Variants in SLC4A1 observed in about 807,000 individuals in gnomAD.
The protein encoded by SLC4A1 is band 3 anion transport protein.
A neutral mutation model predicts 93.1 loss-of-function variants in SLC4A1; 29 were observed. The observed-to-expected ratio is 0.31, with a 90% CI of 0.23 to 0.42. The LOEUF is 0.42. Ranked by LOEUF, SLC4A1 falls within the 20% of genes least tolerant of loss-of-function variation. The probability of loss-of-function intolerance (pLI) is 1.00; values close to 1 mark genes in which losing one functional copy is unlikely to be tolerated. For missense variants in SLC4A1, 965 were observed against 1,190.1 expected (o/e 0.81, Z 2.78); for synonymous variants, 469 against 497.2 (o/e 0.94, Z 0.76).
Position 44,262,619 on chromosome 17 carries a change from G to C in SLC4A1, c.106+17C>G. Reference sequence around the variant, plus strand: ...GCTCAGCAGCTCATCCCAGCTGAGGGAGGGAGAGGGGCTCACCTGCCGGCT... The same window carrying C: ...GCTCAGCAGCTCATCCCAGCTGAGGCAGGGAGAGGGGCTCACCTGCCGGCT... On this transcript the variant is annotated intron_variant, in intron 3 of 19. Coordinates refer to ENST00000262418, the MANE Select transcript of SLC4A1 (RefSeq NM_000342.4). 1 of 1,590,658 alleles carries C rather than the reference G, an allele frequency of 6.3e-7. No homozygotes were observed. The highest frequency in any genetic ancestry group is 1.1e-5 in the South Asian group (1 of 89,166).
intron 17 of SLC4A1, among the ~76,000 whole-genome samples, chr17:44,252,516 C>G (rs1391769629): frequency 2.6e-5 from 4 of 152,258 alleles, no homozygotes; most frequent in South Asian, 4.1e-4. Flanking sequence ...TTCTCCTCAC[C>G]CCAGCCCAGA....
At chr17:44,264,220 G>A (rs1040193237) in intron 1 of SLC4A1, among the ~76,000 whole-genome samples, 1 of 152,146 alleles carries the variant, frequency 6.6e-6, no homozygotes, top group Non-Finnish European at 1.5e-5. Context: ...AACATTTTGG[G>A]AGGCTGAGGC....
intron 1 of SLC4A1, among the ~76,000 whole-genome samples, chr17:44,263,495 C>T (rs965740651): frequency 6.6e-6 from 1 of 152,150 alleles, no homozygotes; most frequent in Non-Finnish European, 1.5e-5. Flanking sequence ...AGCCTATTGG[C>T]CTCCTGTGGT....
intron 1 of SLC4A1, among the ~76,000 whole-genome samples, chr17:44,263,563 T>C (rs2047465970): frequency 6.6e-6 from 1 of 152,138 alleles, no homozygotes; most frequent in African/African-American, 2.4e-5. Context: ...CAGCTGTCCA[T>C]ATCCCGGACA....
In SLC4A1 at chr17:44,249,185, C is replaced by A. The variant is rs769140134; in HGVS notation, c.*1273G>T. The A allele has an allele frequency of 1.6e-4, 71 of 454,798 alleles. 1 individual carries two copies. The highest frequency in any genetic ancestry group is 2.7e-4 in the Non-Finnish European group (61 of 226,360). 28.2% of individuals were successfully genotyped at this position (454,798 alleles called of 1,614,324 possible). ...CCACCTCCTCTCTTTTCTACCACTT[C>A]CTGATTCTGTTTCCTCCATCTCTCA... is the stretch of plus-strand genomic sequence containing the variant. On this transcript the variant is annotated 3_prime_UTR_variant, in exon 20 of 20. Coordinates refer to ENST00000262418, the MANE Select transcript of SLC4A1 (RefSeq NM_000342.4).
At chr17:44,263,369 C>T (rs2047463928) in intron 1 of SLC4A1, among the ~76,000 whole-genome samples, 1 of 152,068 alleles carries the variant, frequency 6.6e-6, no homozygotes, top group Non-Finnish European at 1.5e-5. Context: ...ATAGCTGCTG[C>T]CCACCGGGCA....
At position 44,254,774 on chromosome 17, in the gene SLC4A1, AACTT is replaced by A. The variant is rs1345389993; in HGVS notation, c.1891-116_1891-113del. The A allele has an allele frequency of 1.1e-5, 10 of 873,192 alleles. No individual in the cohort carries two copies. The African/African-American group carries it at 1.2e-4, about 10-fold the overall frequency. 54.1% of individuals were successfully genotyped at this position (873,192 alleles called of 1,614,324 possible). ...GGCAGTTAGGTTGGAGGCACTTGGG[AACTT>A]ACTTATATTGAGCACTTGCTCTGTA... On this transcript the variant is annotated intron_variant, in intron 15 of 19. Coordinates refer to ENST00000262418, the MANE Select transcript of SLC4A1 (RefSeq NM_000342.4).
At chr17:44,253,915 C>G (rs1476999046) in intron 16 of SLC4A1, among the ~76,000 whole-genome samples, 2 of 151,482 alleles carry the variant, frequency 1.3e-5, no homozygotes, top group Non-Finnish European at 2.9e-5. Context: ...CGTGATCCCC[C>G]CGTCTTGGCT....
chr17:44,264,909 C>T (rs45478196), intron 1 of SLC4A1, among the ~76,000 whole-genome samples: 507 of 151,678 alleles, frequency 3.3e-3, no homozygotes, highest in African/African-American at 0.012. Flanking sequence ...ATTGAGGTGA[C>T]AGGCAATTGG....
In SLC4A1 at chr17:44,259,179, G is replaced by A; in HGVS notation, c.860C>T (p.Thr287Ile). The A allele has an allele frequency of 6.2e-7, 1 of 1,614,026 alleles. No homozygotes were observed. The highest frequency in any genetic ancestry group is 8.5e-7 in the Non-Finnish European group (1 of 1,180,042). ...DYTQLGRAAA[T>I]LMSERVFRID... Reference sequence around the variant, plus strand: ...CTTCCTTACCCTCTCTGACATGAGGGTGGCAGCAGCCCGGCCAAGCTGGGT... The same window carrying A: ...CTTCCTTACCCTCTCTGACATGAGGATGGCAGCAGCCCGGCCAAGCTGGGT... The change falls in exon 9 of 20, where the codon ACC becomes ATC. Residue 287 changes from threonine (T) to isoleucine (I), a missense_variant. Thr to Ile is a moderately conservative substitution (Grantham distance 89). Around this residue, in one of 2 missense-constraint regions of SLC4A1, gnomAD observed 770 missense variants for 1,006.6 expected, o/e 0.76. Coordinates refer to ENST00000262418, the MANE Select transcript of SLC4A1 (RefSeq NM_000342.4).
chr17:44,261,927 A>C, intron 3 of SLC4A1: 1 of 1,126,212 alleles, frequency 8.9e-7, no homozygotes, highest in East Asian at 3.7e-5. Context: ...GGACCTCTCC[A>C]AGGTGACGGC....
chr17:44,264,652 G>GTT (rs2047480179), intron 1 of SLC4A1, among the ~76,000 whole-genome samples: 1 of 152,334 alleles, frequency 6.6e-6, no homozygotes, highest in African/African-American at 2.4e-5. Flanking sequence ...CTGAATGATT[G>GTT]TAAGAATGGC....
Position 44,257,669 on chromosome 17 carries a change from G to A in SLC4A1, c.1421C>T (p.Ala474Val). ...FSGPLLVFEEAFFSFCETNGL... is the reference protein window; with the variant it reads ...FSGPLLVFEEVFFSFCETNGL... ...CAAGGACAGAACTACCGAGAAGAAG[G>A]CTTCCTCAAACACCAGCAGGGGTCC... Residue 474 changes from alanine (A) to valine (V), a missense_variant, in exon 12 of 20, where the codon GCC (alanine) becomes GTC (valine). Transcript: ENST00000262418. The A allele has an allele frequency of 1.2e-6, 2 of 1,613,774 alleles. No individual in the cohort carries two copies. The highest frequency in any genetic ancestry group is 1.7e-6 in the Non-Finnish European group (2 of 1,179,948).
chr17:44,266,666 G>A (rs545694377), intron 1 of SLC4A1, among the ~76,000 whole-genome samples: 1 of 152,284 alleles, frequency 6.6e-6, no homozygotes, highest in South Asian at 2.1e-4. Context: ...GACCCAGATT[G>A]CCACCCGCCA....
rs150515870 is a variant in SLC4A1 at position 44,259,532 on chromosome 17, A to T, written c.659T>A (p.Ile220Asn). ...GHSPSGILEK[I>N]PPDSEATLVL... ...CAACGTGGCCTCTGAATCCGGGGGA[A>T]TCTTTTCCAGAATTCCAGATGGTGA... Residue 220 changes from isoleucine to asparagine, a missense_variant, in exon 8 of 20, where the codon ATT becomes AAT. Ile to Asn is a moderately radical substitution (Grantham distance 149). Coordinates refer to ENST00000262418, the MANE Select transcript of SLC4A1 (RefSeq NM_000342.4). The T allele has an allele frequency of 1.2e-6, 2 of 1,614,114 alleles. No homozygotes were observed. Among genetic ancestry groups the T allele is most frequent in the Non-Finnish European group, 1.7e-6 (2 of 1,179,988 alleles).
At chr17:44,254,964 T>C (rs955521180) in intron 15 of SLC4A1, among the ~76,000 whole-genome samples, 18 of 152,150 alleles carry the variant, frequency 1.2e-4, no homozygotes, top group African/African-American at 4.3e-4. Flanking sequence ...CAAAGAATAC[T>C]TCTTCCTACT....
At chr17:44,251,949 C>T (rs1037202784) in intron 17 of SLC4A1, among the ~76,000 whole-genome samples, 2 of 150,738 alleles carry the variant, frequency 1.3e-5, no homozygotes, top group African/African-American at 4.9e-5. Context: ...ACTATGTTGC[C>T]CAGGCTAGTC....
chr17:44,251,974 T>C (rs1479237470), intron 17 of SLC4A1, among the ~76,000 whole-genome samples: 2 of 149,716 alleles, frequency 1.3e-5, no homozygotes, highest in African/African-American at 4.9e-5. Flanking sequence ...ACTCCTGGGC[T>C]CAAGTGATTC....
chr17:44,266,665 T>TGCCACCCGCCAGCCAGGCC (rs1300077874), intron 1 of SLC4A1, among the ~76,000 whole-genome samples: 1 of 152,126 alleles, frequency 6.6e-6, no homozygotes, highest in Non-Finnish European at 1.5e-5. Context: ...TGACCCAGAT[T>TGCCACCCGCCAGCCAGGCC]GCCACCCGCC....
Sources: gnomAD v4.1 joint callset for allele counts (sites outside exome capture counted in the v4.1 genomes callset) on GRCh38, gnomAD v4.1.1 for gene constraint, gnomAD v4.1.1 regional missense constraint, MANE v1.5 for transcripts, NCBI Gene and HGNC (gene_info 2026-07-23, HGNC 2026-07-21) for gene names.